MAPK10: variants seen among roughly 807,000 people sequenced by gnomAD.
MAPK10 encodes the protein mitogen-activated protein kinase 10.
A neutral mutation model predicts 59.3 loss-of-function variants in MAPK10; 25 were observed. The ratio of observed to expected loss-of-function variants is 0.42; its 90% CI spans 0.31 to 0.59. The LOEUF (loss-of-function observed/expected upper bound fraction) is 0.59, where lower values mean the gene tolerates loss of function less well. Ranked by LOEUF, MAPK10 falls within the 20% of genes least tolerant of loss-of-function variation. The probability of loss-of-function intolerance (pLI) is 0.15; values close to 1 mark genes in which losing one functional copy is unlikely to be tolerated. For synonymous variants in MAPK10, 190 were observed against 200.5 expected (o/e 0.95, Z 0.44); for missense variants, 351 against 568.9 (o/e 0.62, Z 3.90).
At chr4:86,085,999 C>T (rs1374152406) in intron 9 of MAPK10, among the ~76,000 whole-genome samples, 2 of 152,002 alleles carry the variant, frequency 1.3e-5, no homozygotes, top group Non-Finnish European at 2.9e-5. Context: ...GGGAATAATA[C>T]ACACTGGGGC....
chr4:86,021,839 C>T (rs1747157229), intron 13 of MAPK10, among the ~76,000 whole-genome samples: 1 of 152,236 alleles, frequency 6.6e-6, no homozygotes, highest in Admixed American at 6.5e-5. Flanking sequence ...CTTCCGCAGC[C>T]ACTGGCCCGG....
chr4:86,351,543 A>C (rs1343759922), intron 2 of MAPK10, among the ~76,000 whole-genome samples: 2 of 152,124 alleles, frequency 1.3e-5, no homozygotes, highest in Non-Finnish European at 2.9e-5. Context: ...TGTTTGTTAC[A>C]TATGCCCTAC....
intron 1 of MAPK10, among the ~76,000 whole-genome samples, chr4:86,584,540 C>T (rs1295236201): frequency 6.6e-6 from 1 of 152,114 alleles, no homozygotes; most frequent in Non-Finnish European, 1.5e-5. Context: ...ACCTTCCAGG[C>T]TCAAGCAATC....
At chr4:86,052,307 G>A (rs192570118) in intron 11 of MAPK10, among the ~76,000 whole-genome samples, 2 of 152,108 alleles carry the variant, frequency 1.3e-5, no homozygotes, top group Admixed American at 1.3e-4. Context: ...TAGTCTAAGA[G>A]TAACTTATCA....
chr4:86,026,849 G>T (rs770711237), intron 13 of MAPK10: 8 of 152,026 alleles, frequency 5.3e-5, no homozygotes, highest in African/African-American at 9.7e-5. Context: ...ACACAAAAAC[G>T]CATACACACA....
chr4:86,109,648 G>C (rs1182807880), intron 4 of MAPK10, among the ~76,000 whole-genome samples: 1 of 152,168 alleles, frequency 6.6e-6, no homozygotes, highest in Non-Finnish European at 1.5e-5. Context: ...ATGGGCATTT[G>C]GGTTGATTCC....
At chr4:86,022,294 G>A (rs1044723861) in intron 13 of MAPK10, among the ~76,000 whole-genome samples, 1 of 152,198 alleles carries the variant, frequency 6.6e-6, no homozygotes, top group Non-Finnish European at 1.5e-5. Context: ...ATCCTAGTGT[G>A]CATGAAATGG....
At chr4:86,397,879 A>AC (rs1460730494) in intron 1 of MAPK10, among the ~76,000 whole-genome samples, 2 of 143,950 alleles carry the variant, frequency 1.4e-5, no homozygotes, top group African/African-American at 4.9e-5. Context: ...AAAAAAAAAA[A>AC]AAAAAAAAAA....
chr4:86,046,059 T>C (rs1024118436), intron 11 of MAPK10, among the ~76,000 whole-genome samples: 3 of 150,664 alleles, frequency 2.0e-5, no homozygotes, highest in Non-Finnish European at 4.4e-5. Flanking sequence ...TTACAAGGGA[T>C]GTGAAGGACC....
chr4:86,423,787 ATATATAT>A (rs1746880055), intron 1 of MAPK10, among the ~76,000 whole-genome samples: 1 of 145,270 alleles, frequency 6.9e-6, no homozygotes, highest in African/African-American at 2.6e-5. Context: ...ATATATATAT[ATATATAT>A]ATGTTTAGGA....
In MAPK10 at chr4:86,101,917, G is replaced by A; in HGVS notation, c.541C>T (p.His181Tyr). The A allele has an allele frequency of 6.2e-7, 1 of 1,614,066 alleles. No individual in the cohort carries two copies. The highest frequency in any genetic ancestry group is 8.5e-7 in the Non-Finnish European group (1 of 1,179,932). Residue 181 changes from histidine to tyrosine, a missense_variant, in exon 7 of 14, where the codon CAT (histidine) becomes TAT (tyrosine). By Grantham distance (83) the His-to-Tyr change is moderately conservative. Transcript: ENST00000641462. ...ACCCTGTGAATAATTCCAGCAGAAT[G>A]GAGGTGCTTAATGCCACACAACATT... Reference protein sequence around the residue: ...YQMLCGIKHLHSAGIIHRDLK... With the variant: ...YQMLCGIKHLYSAGIIHRDLK...
chr4:86,360,273 A>G (rs1234953994), upstream of MAPK10: 7 of 869,670 alleles, frequency 8.0e-6, no homozygotes, highest in Non-Finnish European at 9.7e-6. Flanking sequence ...AGCCAACATC[A>G]GCAACTACGA....
intron 2 of MAPK10, among the ~76,000 whole-genome samples, chr4:86,269,518 C>T (rs1583802520): frequency 1.3e-5 from 2 of 152,232 alleles, no homozygotes; most frequent in African/African-American, 4.8e-5. Context: ...CCAGAATGCA[C>T]AGTCTGTACA....
At chr4:86,475,531 G>A (rs1418772214) in intron 1 of MAPK10, among the ~76,000 whole-genome samples, 1 of 151,932 alleles carries the variant, frequency 6.6e-6, no homozygotes, top group East Asian at 1.9e-4. Flanking sequence ...TTTATCCGTG[G>A]ACCCAAAACT....
chr4:86,494,299 G>T (rs1012284330), intron 1 of MAPK10, among the ~76,000 whole-genome samples: 2 of 152,176 alleles, frequency 1.3e-5, no homozygotes, highest in Non-Finnish European at 2.9e-5. Context: ...AGTACTCTGG[G>T]TCCACATGGA....
chr4:86,512,463 C>T (rs1756352808), intron 1 of MAPK10, among the ~76,000 whole-genome samples: 2 of 152,118 alleles, frequency 1.3e-5, no homozygotes, highest in Non-Finnish European at 1.5e-5. Context: ...TGGCAGGCCC[C>T]AAAAACCTTA....
At chr4:86,309,753 G>A (rs1303600267) in intron 2 of MAPK10, among the ~76,000 whole-genome samples, 1 of 152,166 alleles carries the variant, frequency 6.6e-6, no homozygotes, top group Non-Finnish European at 1.5e-5. Flanking sequence ...CTGTTAAGAA[G>A]AATCAGAGTG....
intron 4 of MAPK10, chr4:86,107,605 G>T (rs988219785): frequency 6.4e-6 from 7 of 1,094,908 alleles, no homozygotes; most frequent in Non-Finnish European, 7.8e-6. Context: ...AGGAGTAGAA[G>T]AGGGCAAAGG....
chr4:86,015,513 C>T lies in MAPK10; in HGVS notation c.*1715G>A, dbSNP rs866501271. ...GTGCAAATAACTGTGATGGATACTT[C>T]GAAGTGAATAAGAAGGGAAGCCTGA... On this transcript the variant is annotated 3_prime_UTR_variant, in exon 14 of 14. Transcript: ENST00000641462. The T allele has an allele frequency of 2.6e-5, 4 of 152,150 alleles. No homozygotes were observed. The highest frequency in any genetic ancestry group is 2.1e-4 in the South Asian group (1 of 4,826). 9.4% of individuals were successfully genotyped at this position (152,150 alleles called of 1,614,324 possible).
Sources: allele counts gnomAD v4.1 joint callset (sites outside exome capture counted in the v4.1 genomes callset), GRCh38; gene constraint gnomAD v4.1.1; transcripts MANE v1.5; gene names NCBI Gene and HGNC (gene_info 2026-07-23, HGNC 2026-07-21).